The following GULP1 variants were observed in gnomAD, a reference collection of about 807,000 sequenced individuals.
GULP1 encodes PTB domain-containing engulfment adapter protein 1.
Under a neutral mutation model 40.9 loss-of-function variants are expected in GULP1, and 19 were observed. The ratio of observed to expected loss-of-function variants is 0.46; its 90% CI spans 0.32 to 0.68. The LOEUF (loss-of-function observed/expected upper bound fraction) is 0.68, where lower values mean the gene tolerates loss of function less well. GULP1 is among the 30% of genes least tolerant of loss of function. GULP1 has a pLI of 0.03. For missense variants in GULP1, 312 were observed against 362.2 expected (o/e 0.86, Z 1.12); for synonymous variants, 119 against 117.6 (o/e 1.01, Z -0.08).
intron 2 of GULP1, among the ~76,000 whole-genome samples, chr2:188,429,576 G>A (rs2056615087): frequency 6.6e-6 from 1 of 152,156 alleles, no homozygotes; most frequent in African/African-American, 2.4e-5. Context: ...ACGGGTCAAA[G>A]CCTTGCAACT....
chr2:188,408,510 A>G (rs772569630), intron 2 of GULP1, among the ~76,000 whole-genome samples: 7 of 152,200 alleles, frequency 4.6e-5, no homozygotes, highest in Non-Finnish European at 8.8e-5. Flanking sequence ...GGAGCACTTA[A>G]ATATATGAAG....
At chr2:188,576,732 A>G (rs561171019) in intron 9 of GULP1, among the ~76,000 whole-genome samples, 3 of 152,188 alleles carry the variant, frequency 2.0e-5, no homozygotes, top group African/African-American at 7.2e-5. Context: ...TGGTTTTAGA[A>G]ATTGGATCCT....
chr2:188,517,608 A>G (rs576524374), intron 4 of GULP1, among the ~76,000 whole-genome samples: 7 of 152,290 alleles, frequency 4.6e-5, no homozygotes, highest in South Asian at 4.1e-4. Context: ...TCAAAAGCCA[A>G]CTGGCGGTTC....
chr2:188,454,841 C>T (rs1270939138), intron 2 of GULP1, among the ~76,000 whole-genome samples: 8 of 152,104 alleles, frequency 5.3e-5, no homozygotes, highest in African/African-American at 9.7e-5. Flanking sequence ...AGAAAACCTT[C>T]GGCTGGGCAT....
chr2:188,494,499 A>G (rs1559306617), intron 4 of GULP1, among the ~76,000 whole-genome samples: 1 of 151,932 alleles, frequency 6.6e-6, no homozygotes, highest in Non-Finnish European at 1.5e-5. Context: ...GCTGACTCTC[A>G]ATGTCTATAT....
chr2:188,469,013 G>A (rs1278350441), intron 2 of GULP1, among the ~76,000 whole-genome samples: 1 of 152,100 alleles, frequency 6.6e-6, no homozygotes, highest in African/African-American at 2.4e-5. Context: ...AGAGAATGAG[G>A]TACCCTTTAA....
intron 2 of GULP1, among the ~76,000 whole-genome samples, chr2:188,460,277 A>T (rs1004107742): frequency 2.0e-5 from 3 of 152,108 alleles, no homozygotes; most frequent in Non-Finnish European, 4.4e-5. Flanking sequence ...CAACCCACGA[A>T]CATGGAATAT....
intron 2 of GULP1, among the ~76,000 whole-genome samples, chr2:188,411,020 C>G (rs370874773): frequency 2.0e-5 from 3 of 152,232 alleles, no homozygotes; most frequent in South Asian, 2.1e-4. Flanking sequence ...CATAATTGCT[C>G]TCTACTTGGG....
At chr2:188,492,168 T>C (rs1396338015) in intron 4 of GULP1, among the ~76,000 whole-genome samples, 3 of 152,040 alleles carry the variant, frequency 2.0e-5, no homozygotes, top group Non-Finnish European at 2.9e-5. Flanking sequence ...AGGAAAAATG[T>C]ATCTCCAAGT....
intron 7 of GULP1, among the ~76,000 whole-genome samples, chr2:188,562,943 A>T (rs574798739): frequency 1.3e-5 from 2 of 152,274 alleles, no homozygotes; most frequent in East Asian, 3.9e-4. Context: ...AACTATAGCT[A>T]AAAGAAAAGT....
intron 11 of GULP1, chr2:188,589,357 CA>C (rs1703050727): frequency 6.4e-6 from 1 of 156,302 alleles, no homozygotes; most frequent in African/African-American, 2.4e-5. Flanking sequence ...GATAATTTAG[CA>C]AGAATGCTGT....
chr2:188,313,393 T>G (rs1336744382), intron 1 of GULP1, among the ~76,000 whole-genome samples: 1 of 152,190 alleles, frequency 6.6e-6, no homozygotes, highest in African/African-American at 2.4e-5. Context: ...TTGGTTGTTT[T>G]TGTCAGGTTT....
intron 1 of GULP1, among the ~76,000 whole-genome samples, chr2:188,353,519 CAG>C (rs2152311941): frequency 6.6e-6 from 1 of 152,078 alleles, no homozygotes; most frequent in Non-Finnish European, 1.5e-5. Context: ...AGTGCTTTGG[CAG>C]AGCTACTCCA....
At chr2:188,465,829 C>G (rs1451719195) in intron 2 of GULP1, among the ~76,000 whole-genome samples, 1 of 152,028 alleles carries the variant, frequency 6.6e-6, no homozygotes, top group Non-Finnish European at 1.5e-5. Context: ...GCAGGGTTGC[C>G]TCTACTGAGG....
At chr2:188,455,600 T>C (rs1461153608) in intron 2 of GULP1, among the ~76,000 whole-genome samples, 2 of 152,208 alleles carry the variant, frequency 1.3e-5, no homozygotes, top group Non-Finnish European at 1.5e-5. Context: ...GTTAAACCTC[T>C]TTCTTTTGTA....
intron 9 of GULP1, among the ~76,000 whole-genome samples, chr2:188,578,491 A>G (rs1700607564): frequency 6.6e-6 from 1 of 151,936 alleles, no homozygotes. Context: ...CCTAGGTAAC[A>G]GACCTTCATG....
At chr2:188,500,718 C>T (rs2063349263) in intron 4 of GULP1, among the ~76,000 whole-genome samples, 1 of 151,914 alleles carries the variant, frequency 6.6e-6, no homozygotes, top group African/African-American at 2.4e-5. Context: ...CTATGATTAA[C>T]AAAACTTGGA....
At chr2:188,521,858 C>T (rs923182930) in intron 4 of GULP1, among the ~76,000 whole-genome samples, 2 of 152,084 alleles carry the variant, frequency 1.3e-5, no homozygotes, top group African/African-American at 2.4e-5. Context: ...AGGCGGATCA[C>T]GAGGTCAGGA....
At position 188,462,871 on chromosome 2, in the gene GULP1, T is replaced by TAAAC. The variant is rs758438507; in HGVS notation, c.-44-14777_-44-14774dup. On this transcript the variant is annotated intron_variant, in intron 2 of 11. Transcript: ENST00000409830. ...TGATAACAACTTAACATCATTTTCATAAACAAACAAACAAGGAATTAAAAC... is the reference window on the plus strand; with the variant it reads ...TGATAACAACTTAACATCATTTTCATAAACAAACAAACAAACAAGGAATTAAAAC... Among the ~76,000 whole-genome samples, 396 of 152,262 alleles carry TAAAC rather than the reference T, an allele frequency of 2.6e-3. 2 individuals are homozygous for TAAAC. The highest frequency in any genetic ancestry group is 4.1e-3 in the Non-Finnish European group (276 of 67,998).
Sources: gnomAD v4.1 joint callset for allele counts (sites outside exome capture counted in the v4.1 genomes callset) on GRCh38, gnomAD v4.1.1 for gene constraint, MANE v1.5 for transcripts, NCBI Gene and HGNC (gene_info 2026-07-23, HGNC 2026-07-21) for gene names.